The following MRPL37 variants were observed in gnomAD, a reference collection of about 807,000 sequenced individuals.
The protein encoded by MRPL37 is mitochondrial ribosomal protein L37.
A neutral mutation model predicts 44.1 loss-of-function variants in MRPL37; 34 were observed. The observed-to-expected ratio is 0.77, with a 90% CI of 0.59 to 1.03. The LOEUF is 1.03. Ranked by LOEUF, MRPL37 falls within the 50% of genes least tolerant of loss-of-function variation. The pLI is 0.00. For missense variants in MRPL37, 532 were observed against 543.7 expected, an observed-to-expected ratio of 0.98 and a Z score of 0.21; for synonymous variants, 212 against 219.5, an observed-to-expected ratio of 0.97 and a Z score of 0.30.
At chr1:54,224,775 C>CA (rs752567549), downstream of MRPL37, among the ~76,000 whole-genome samples, 58 of 152,160 alleles carry the variant, frequency 3.8e-4, no homozygotes, top group Non-Finnish European at 7.8e-4. Flanking sequence ...CCCTAGCCCT[C>CA]AGCATTTCTT....
chr1:54,217,568 C>T (rs1644206652), intron 6 of MRPL37, among the ~76,000 whole-genome samples: 1 of 152,190 alleles, frequency 6.6e-6, no homozygotes, highest in African/African-American at 2.4e-5. Flanking sequence ...ATTTCTACTT[C>T]TTCTATTGCA....
intron 5 of MRPL37, 144 bp downstream of exon 5, chr1:54,212,802 T>A: frequency 8.7e-7 from 1 of 1,155,176 alleles, no homozygotes; most frequent in Non-Finnish European, 1.2e-6. Context: ...CAGCCCACCC[T>A]GTGGAGATGA....
intron 5 of MRPL37, 99 bp from the exon 6 acceptor site, chr1:54,216,042 T>C (rs1406734677): frequency 8.1e-7 from 1 of 1,236,176 alleles, no homozygotes; most frequent in East Asian, 2.3e-5. Context: ...TGGACGTAGG[T>C]GGACGTTGTA....
At chr1:54,218,104 C>A in intron 6 of MRPL37, 68 bp from the exon 7 acceptor site, 1 of 1,377,846 alleles carries the variant, frequency 7.3e-7, no homozygotes, top group Non-Finnish European at 1.0e-6. Flanking sequence ...TTACTTCAAT[C>A]CAATCTTTGT....
intron 6 of MRPL37, among the ~76,000 whole-genome samples, chr1:54,216,694 C>T (rs1644200343): frequency 6.6e-6 from 1 of 152,198 alleles, no homozygotes. Flanking sequence ...AGGCTATCCT[C>T]CACTTGTCCT....
intron 3 of MRPL37, among the ~76,000 whole-genome samples, chr1:54,207,838 A>G (rs773086057): frequency 2.0e-5 from 3 of 152,224 alleles, no homozygotes; most frequent in Admixed American, 6.5e-5. Flanking sequence ...GGGAGGCCAC[A>G]TGCTAATTAA....
intron 3 of MRPL37, among the ~76,000 whole-genome samples, chr1:54,206,390 G>C (rs1351881581): frequency 6.7e-6 from 1 of 150,192 alleles, no homozygotes; most frequent in East Asian, 2.0e-4. Context: ...GGGATTACAG[G>C]TGTGAGCCAC....
At position 54,207,968 on chromosome 1, in the gene MRPL37, G is replaced by A. The variant is rs559919972; in HGVS notation, c.647-1978G>A. Among the ~76,000 whole-genome samples, 38 of 152,214 alleles carry A rather than the reference G, an allele frequency of 2.5e-4. 1 individual carries two copies. The highest frequency in any genetic ancestry group is 4.1e-4 in the African/African-American group (17 of 41,538). On this transcript the variant is annotated intron_variant, in intron 3 of 6. Transcript: ENST00000360840. Reference sequence around the variant, plus strand: ...CACCTTCTGAGAAAGATTTGCCTCCGTGGATACTCCTCAGGAGGCCATTCT... The same window carrying A: ...CACCTTCTGAGAAAGATTTGCCTCCATGGATACTCCTCAGGAGGCCATTCT...
Position 54,205,035 on chromosome 1 carries a change from T to C in MRPL37, c.364T>C (p.Trp122Arg), listed in dbSNP as rs1358832018. The C allele has an allele frequency of 3.1e-6, 5 of 1,614,106 alleles. No individual in the cohort carries two copies. The highest frequency in any genetic ancestry group is 3.4e-6 in the Non-Finnish European group (4 of 1,179,996). Reference protein sequence around the residue: ...RLLEGVKQALWLTKTKLIEGL... With the variant: ...RLLEGVKQALRLTKTKLIEGL... ...CCTCAAAGGTGTAAAGCAGGCCCTC[T>C]GGCTCACCAAGACCAAGTTAATAGA... Residue 122 changes from tryptophan (W) to arginine (R), a missense_variant, in exon 2 of 7, where the codon TGG becomes CGG. By Grantham distance (101) the Trp-to-Arg change is moderately radical (BLOSUM62 -3). Transcript: ENST00000360840.
chr1:54,209,554 G>C (rs939581820), intron 3 of MRPL37, among the ~76,000 whole-genome samples: 2 of 151,606 alleles, frequency 1.3e-5, no homozygotes, highest in Non-Finnish European at 2.9e-5. Flanking sequence ...CCGCCTCCCA[G>C]GTTCATGCCA....
downstream of MRPL37, chr1:54,225,450 C>G (rs537238180): frequency 8.2e-7 from 1 of 1,221,242 alleles, no homozygotes; most frequent in East Asian, 3.2e-5. Context: ...AAAGATGTCC[C>G]TTTAATAAAA....
intron 6 of MRPL37, 54 bp downstream of exon 6, chr1:54,216,398 GGT>G: frequency 6.3e-7 from 1 of 1,587,594 alleles, no homozygotes. Flanking sequence ...CCTCCTACCT[GGT>G]GTGAGCCTCA....
At chr1:54,208,548 C>CAAA (rs57185627) in intron 3 of MRPL37, among the ~76,000 whole-genome samples, 13,450 of 70,380 alleles carry the variant, frequency 0.19, 2,262 homozygotes, top group African/African-American at 0.36. Context: ...GACTCCGTCT[C>CAAA]AAAAAAAAAA....
chr1:54,222,112 A>G (rs1644238641), downstream of MRPL37, among the ~76,000 whole-genome samples: 1 of 152,204 alleles, frequency 6.6e-6, no homozygotes, highest in South Asian at 2.1e-4. Flanking sequence ...TTCCAAGAGC[A>G]CTCATCGAGC....
At chr1:54,222,948 G>A (rs370084025), downstream of MRPL37, among the ~76,000 whole-genome samples, 4 of 152,166 alleles carry the variant, frequency 2.6e-5, no homozygotes, top group Admixed American at 2.0e-4. Context: ...CAGCAAACAC[G>A]AGTGGATGGA....
chr1:54,219,003 C>T (rs1172354072), downstream of MRPL37, among the ~76,000 whole-genome samples: 7 of 152,232 alleles, frequency 4.6e-5, no homozygotes, highest in Admixed American at 3.3e-4. Flanking sequence ...GTCAGCTTCC[C>T]GAGGAAACAC....
At chr1:54,225,121 C>A, downstream of MRPL37, 2 of 1,234,266 alleles carry the variant, frequency 1.6e-6, no homozygotes, top group Non-Finnish European at 1.0e-6. Context: ...TTTTCTACTT[C>A]CAGAAAAATA....
At chr1:54,204,497 G>A (rs1644107092) in intron 1 of MRPL37, among the ~76,000 whole-genome samples, 1 of 152,098 alleles carries the variant, frequency 6.6e-6, no homozygotes, top group African/African-American at 2.4e-5. Context: ...ATGAAAATCC[G>A]AAAGTTATTC....
downstream of MRPL37, chr1:54,225,197 C>T (rs1162039245): frequency 1.3e-5 from 16 of 1,234,190 alleles, no homozygotes; most frequent in Non-Finnish European, 1.6e-5. Flanking sequence ...TTTAGACGGC[C>T]CCCAAATATT....
Sources: gnomAD v4.1 joint callset for allele counts (sites outside exome capture counted in the v4.1 genomes callset) on GRCh38, gnomAD v4.1.1 for gene constraint, MANE v1.5 for transcripts, NCBI Gene and HGNC (gene_info 2026-07-23, HGNC 2026-07-21) for gene names.